Variants in PAX2 observed in about 807,000 individuals in gnomAD.
PAX2 encodes the protein paired box protein Pax-2.
Under a neutral mutation model 41.7 loss-of-function variants are expected in PAX2, and 9 were observed. That is an observed-to-expected ratio of 0.22 (90% CI 0.13 to 0.38). The LOEUF (loss-of-function observed/expected upper bound fraction) is 0.38, where lower values mean the gene tolerates loss of function less well. PAX2 is among the 10% of genes least tolerant of loss of function. The probability of loss-of-function intolerance (pLI) is 1.00; values close to 1 mark genes in which losing one functional copy is unlikely to be tolerated. For missense variants in PAX2, 418 were observed against 531.6 expected (o/e 0.79, Z 2.10); for synonymous variants, 221 against 212.7 (o/e 1.04, Z -0.34).
chr10:100,749,089 G>A, intron 1 of PAX2: 1 of 985,488 alleles, frequency 1.0e-6, no homozygotes, highest in Non-Finnish European at 1.2e-6. Context: ...GAGAGATACG[G>A]TCCCCCTACA....
At chr10:100,817,088 T>G (rs1392022828) in intron 7 of PAX2, among the ~76,000 whole-genome samples, 2 of 152,178 alleles carry the variant, frequency 1.3e-5, no homozygotes, top group Non-Finnish European at 2.9e-5. Context: ...GGGTCTCTCA[T>G]GCTCTGAGCC....
chr10:100,761,333 C>T (rs1475449546), intron 3 of PAX2, among the ~76,000 whole-genome samples: 3 of 152,116 alleles, frequency 2.0e-5, no homozygotes, highest in Non-Finnish European at 4.4e-5. Flanking sequence ...CTCGACCCTC[C>T]GCCCTCCCAC....
At chr10:100,756,298 A>T (rs556385079) in intron 3 of PAX2, among the ~76,000 whole-genome samples, 17 of 152,276 alleles carry the variant, frequency 1.1e-4, no homozygotes, top group African/African-American at 4.1e-4. Context: ...CCAGCTTCTT[A>T]GGTGTCCAAC....
intron 3 of PAX2, among the ~76,000 whole-genome samples, chr10:100,768,037 G>A (rs1234320474): frequency 6.6e-6 from 1 of 151,344 alleles, no homozygotes; most frequent in Non-Finnish European, 1.5e-5. Context: ...AGATACACAG[G>A]TATACAAATG....
intron 5 of PAX2, among the ~76,000 whole-genome samples, 187 bp downstream of exon 5, chr10:100,781,552 T>C (rs1470844631): frequency 6.6e-6 from 1 of 152,202 alleles, no homozygotes; most frequent in Admixed American, 6.5e-5. Flanking sequence ...GGCCATCAGC[T>C]TCACCATCTG....
At position 100,824,881 on chromosome 10, in the gene PAX2, T is replaced by A. The variant is rs1848496829; in HGVS notation, c.1021+132T>A. 2 of 1,606,156 alleles carry A rather than the reference T, an allele frequency of 1.2e-6. No individual in the cohort carries two copies. The highest frequency in any genetic ancestry group is 2.7e-5 in the African/African-American group (2 of 74,750). The stretch of plus-strand genomic sequence containing the variant: ...TCCCCTCCCTGCAAACCACTGCTAT[T>A]CTGTCCCTCTCTCTCCTTAGAGGCT... On this transcript the variant is annotated intron_variant, in intron 8 of 9. Coordinates refer to ENST00000355243, the MANE Select transcript of PAX2 (RefSeq NM_000278.5). The surrounding 1 kb of genome is among the most constrained non-coding windows in gnomAD (Gnocchi z 6.6).
chr10:100,790,813 G>T (rs557683597), intron 5 of PAX2, among the ~76,000 whole-genome samples: 38 of 152,190 alleles, frequency 2.5e-4, no homozygotes, highest in Non-Finnish European at 5.1e-4. Context: ...TGGCCTTAGG[G>T]CTGTCTGGGA....
intron 5 of PAX2, among the ~76,000 whole-genome samples, chr10:100,796,469 C>T (rs1419174248): frequency 2.0e-5 from 3 of 152,136 alleles, no homozygotes; most frequent in African/African-American, 4.8e-5. Context: ...TATTTTAAAG[C>T]TTATCTGTGT....
In PAX2 at chr10:100,827,563, GCCGCCCCCCGGGGCT is replaced by G; in HGVS notation, c.1137_1151del (p.Arg380_Pro384del). On this transcript the variant is annotated inframe_deletion, in exon 10 of 10. Transcript: ENST00000355243. The surrounding 1 kb of genome is among the most constrained non-coding windows in gnomAD (Gnocchi z 8.5). ...TCCAGGTTCCCCTTATTATTATAGTGCCGCCCCCCGGGGCTCCGCCCCTGCCGCTGCTGCCGCTGC... is the reference window on the plus strand; with the variant it reads ...TCCAGGTTCCCCTTATTATTATAGTGCCGCCCCTGCCGCTGCTGCCGCTGC... 6.2e-7 allele frequency: 1 copy of G among 1,613,858 alleles called. No homozygotes were observed. The highest frequency in any genetic ancestry group is 8.5e-7 in the Non-Finnish European group (1 of 1,179,792).
chr10:100,776,284 G>C (rs1846385777), intron 3 of PAX2, among the ~76,000 whole-genome samples: 2 of 152,090 alleles, frequency 1.3e-5, no homozygotes, highest in African/African-American at 4.8e-5. Context: ...GTTCTGTCTG[G>C]CTCCTGCTCC....
intron 5 of PAX2, among the ~76,000 whole-genome samples, chr10:100,795,984 C>T (rs1188108717): frequency 6.6e-6 from 1 of 152,200 alleles, no homozygotes; most frequent in Admixed American, 6.5e-5. Context: ...TTTCTTTCTC[C>T]AAGGCCCTTT....
At chr10:100,800,049 G>T (rs1273238644) in intron 5 of PAX2, among the ~76,000 whole-genome samples, 1 of 151,864 alleles carries the variant, frequency 6.6e-6, no homozygotes, top group Non-Finnish European at 1.5e-5. Flanking sequence ...GCCTCCCAAG[G>T]TGCTGGGATT....
At chr10:100,796,121 T>C (rs1018537356) in intron 5 of PAX2, among the ~76,000 whole-genome samples, 9 of 152,210 alleles carry the variant, frequency 5.9e-5, no homozygotes, top group African/African-American at 2.2e-4. Context: ...AAAAAGTGAC[T>C]TCTATGATCC....
intron 7 of PAX2, among the ~76,000 whole-genome samples, chr10:100,809,661 G>A (rs1333067216): frequency 2.6e-5 from 4 of 152,194 alleles, no homozygotes; most frequent in East Asian, 3.9e-4. Flanking sequence ...TGGGGGACCC[G>A]CTTACCGCTC....
chr10:100,766,187 A>T (rs1049374636), intron 3 of PAX2, among the ~76,000 whole-genome samples: 2 of 152,220 alleles, frequency 1.3e-5, no homozygotes, highest in Non-Finnish European at 2.9e-5. Context: ...GCCATACTTC[A>T]TATCTACTTT....
intron 5 of PAX2, among the ~76,000 whole-genome samples, chr10:100,803,064 T>C (rs910076917): frequency 2.0e-5 from 3 of 152,084 alleles, no homozygotes; most frequent in African/African-American, 7.2e-5. Flanking sequence ...GTCTTCCTTC[T>C]TTCCTTTTTG....
chr10:100,809,852 TA>T (rs925569988), intron 7 of PAX2, among the ~76,000 whole-genome samples: 18 of 152,258 alleles, frequency 1.2e-4, no homozygotes, highest in African/African-American at 4.3e-4. Context: ...AATGCAGAGC[TA>T]GGGGCGCCAT....
Position 100,750,783 on chromosome 10 carries a change from A to T in PAX2, c.302A>T (p.Glu101Val). Residue 101 changes from glutamate to valine, a missense_variant, in exon 3 of 10, where the codon GAA becomes GTA. Transcript: ENST00000355243. The surrounding 1 kb of genome is among the most constrained non-coding windows in gnomAD (Gnocchi z 4.1). Reference sequence around the variant, plus strand: ...CCCAAAGTGGTGGACAAGATTGCTGAATACAAACGACAGAACCCGACTATG... The same window carrying T: ...CCCAAAGTGGTGGACAAGATTGCTGTATACAAACGACAGAACCCGACTATG... ...ATPKVVDKIA[E>V]YKRQNPTMFA... is the part of the protein sequence containing the mutation. The T allele has an allele frequency of 6.2e-7, 1 of 1,614,210 alleles. No individual in the cohort carries two copies. The highest frequency in any genetic ancestry group is 8.5e-7 in the Non-Finnish European group (1 of 1,180,000).
rs1426786895 is a variant in PAX2 at position 100,829,594 on chromosome 10, A to G, written c.*1975A>G. On this transcript the variant is annotated 3_prime_UTR_variant, in exon 10 of 10. Coordinates refer to ENST00000355243, the MANE Select transcript of PAX2 (RefSeq NM_000278.5). ...TAAAAATCCTTGAACAAATCCGAAA[A>G]GGCTTGGAGTCCTCGCCCAGATCTC... The G allele has an allele frequency of 4.8e-6, 1 of 206,712 alleles. No individual in the cohort carries two copies. Among genetic ancestry groups the G allele is most frequent in the Non-Finnish European group, 9.9e-6 (1 of 100,576 alleles). The allele number at this position is 206,712 out of a possible 1,614,324, so 12.8% of individuals were successfully genotyped here. A position where few individuals can be genotyped will look rare whatever the true frequency, so the allele number is the denominator to read the frequency against.
Sources: allele counts gnomAD v4.1 joint callset (sites outside exome capture counted in the v4.1 genomes callset), GRCh38; gene constraint gnomAD v4.1.1; non-coding constraint Gnocchi (gnomAD v3.1); transcripts MANE v1.5; gene names NCBI Gene and HGNC (gene_info 2026-07-23, HGNC 2026-07-21).